The following ADAMTS14 variants were observed in gnomAD, a reference collection of about 807,000 sequenced individuals.
The protein encoded by ADAMTS14 is ADAM metallopeptidase with thrombospondin type 1 motif 14, also known as A disintegrin and metalloproteinase with thrombospondin motifs 14.
Under a neutral mutation model 128.6 loss-of-function variants are expected in ADAMTS14, and 100 were observed. The ratio of observed to expected loss-of-function variants is 0.78; its 90% CI spans 0.66 to 0.92. The LOEUF (loss-of-function observed/expected upper bound fraction) is 0.92. Ranked by LOEUF, ADAMTS14 falls within the 40% of genes least tolerant of loss-of-function variation. The pLI is 0.00. For synonymous variants in ADAMTS14, 665 were observed against 653.8 expected (o/e 1.02, Z -0.26); for missense variants, 1,562 against 1,658.6 (o/e 0.94, Z 1.01).
chr10:70,672,763 G>A lies in ADAMTS14; in HGVS notation c.-40G>A. ...TCGCCGCCCTCAGCCTGGGACTTGG[G>A]GATCGGGCGCTTGCCCAGCCCGCGT... is the stretch of plus-strand genomic sequence containing the variant. On this transcript the variant is annotated 5_prime_UTR_variant, in exon 1 of 22. Coordinates refer to ENST00000373207, the MANE Select transcript of ADAMTS14 (RefSeq NM_080722.4). 6.7e-7 allele frequency: 1 copy of A among 1,486,432 alleles called. No homozygotes were observed. 92.1% of individuals were successfully genotyped at this position (1,486,432 alleles called of 1,614,324 possible).
chr10:70,755,674 G>A (rs927614295), intron 19 of ADAMTS14, among the ~76,000 whole-genome samples: 3 of 152,158 alleles, frequency 2.0e-5, no homozygotes, highest in Non-Finnish European at 2.9e-5. Context: ...GTGAAACCCC[G>A]TCTCTACTAA....
At chr10:70,751,051 G>T (rs1051132222) in intron 16 of ADAMTS14, among the ~76,000 whole-genome samples, 4 of 152,192 alleles carry the variant, frequency 2.6e-5, no homozygotes, top group Non-Finnish European at 5.9e-5. Context: ...GAAAGGAAAA[G>T]ACCACCTGCA....
intron 2 of ADAMTS14, among the ~76,000 whole-genome samples, chr10:70,699,064 T>C (rs1000925680): frequency 6.6e-6 from 1 of 152,144 alleles, no homozygotes; most frequent in African/African-American, 2.4e-5. Flanking sequence ...GTGTCCTTGC[T>C]CAGCAAGGTC....
At chr10:70,731,814 TG>T (rs2132675161) in intron 6 of ADAMTS14, among the ~76,000 whole-genome samples, 1 of 152,272 alleles carries the variant, frequency 6.6e-6, no homozygotes, top group South Asian at 2.1e-4. Flanking sequence ...GCTGTGGTGG[TG>T]GGTGGGTAGC....
At chr10:70,684,800 C>T (rs549454092) in intron 2 of ADAMTS14, among the ~76,000 whole-genome samples, 1 of 152,336 alleles carries the variant, frequency 6.6e-6, no homozygotes, top group Admixed American at 6.5e-5. Flanking sequence ...CAGAGGCCCC[C>T]TCCTGTCTGG....
At chr10:70,684,782 C>G (rs764814904) in intron 2 of ADAMTS14, among the ~76,000 whole-genome samples, 34 of 152,258 alleles carry the variant, frequency 2.2e-4, no homozygotes, top group Admixed American at 7.2e-4. Context: ...GCTCTTCCCC[C>G]TGCTTTCCAG....
chr10:70,722,306 G>A (rs1007947899), intron 4 of ADAMTS14, among the ~76,000 whole-genome samples: 9 of 152,140 alleles, frequency 5.9e-5, no homozygotes, highest in East Asian at 1.9e-4. Context: ...TGTTGCTGTC[G>A]TCTCCCTAGG....
At chr10:70,698,913 C>T (rs1256393448) in intron 2 of ADAMTS14, among the ~76,000 whole-genome samples, 3 of 152,060 alleles carry the variant, frequency 2.0e-5, no homozygotes, top group East Asian at 3.9e-4. Flanking sequence ...GGATGGTCTC[C>T]GTAGGGGTAA....
At chr10:70,732,205 TCACCTGCCCTC>T (rs750756734) in intron 6 of ADAMTS14, 38 bp from the exon 7 acceptor site, 1 of 1,532,296 alleles carries the variant, frequency 6.5e-7, no homozygotes, top group South Asian at 1.1e-5. Flanking sequence ...GTGTCCTGCC[TCACCTGCCCTC>T]CACCTCGCTC....
chr10:70,746,952 C>A (rs540361597), intron 15 of ADAMTS14, among the ~76,000 whole-genome samples: 2 of 152,088 alleles, frequency 1.3e-5, no homozygotes, highest in East Asian at 2.0e-4. Context: ...GTCACAGAGG[C>A]CCCTCTTACC....
At chr10:70,757,685 C>T (rs1461912870) in intron 19 of ADAMTS14, among the ~76,000 whole-genome samples, 1 of 152,132 alleles carries the variant, frequency 6.6e-6, no homozygotes, top group Non-Finnish European at 1.5e-5. Flanking sequence ...AGAGATTAAC[C>T]GTTTAGATTG....
chr10:70,747,034 T>G (rs987670031), intron 15 of ADAMTS14, among the ~76,000 whole-genome samples: 3 of 152,162 alleles, frequency 2.0e-5, no homozygotes, highest in Non-Finnish European at 2.9e-5. Context: ...ACATATCTCT[T>G]GGCAGGCTCA....
At chr10:70,722,145 T>C (rs75892624) in intron 4 of ADAMTS14, among the ~76,000 whole-genome samples, 153 of 152,058 alleles carry the variant, frequency 1.0e-3, no homozygotes, top group African/African-American at 3.6e-3. Flanking sequence ...ATTGTAAACA[T>C]GAAAAAGAGG....
At chr10:70,678,181 A>T (rs1839701265) in intron 2 of ADAMTS14, among the ~76,000 whole-genome samples, 1 of 152,222 alleles carries the variant, frequency 6.6e-6, no homozygotes, top group African/African-American at 2.4e-5. Flanking sequence ...GATAATACAG[A>T]TAGCTTCCAT....
At chr10:70,709,361 C>A (rs1840765967) in intron 4 of ADAMTS14, among the ~76,000 whole-genome samples, 1 of 151,924 alleles carries the variant, frequency 6.6e-6, no homozygotes, top group Non-Finnish European at 1.5e-5. Context: ...CTGTGGCTGT[C>A]CTGCAGAGAT....
At chr10:70,697,879 C>G (rs147345273) in intron 2 of ADAMTS14, among the ~76,000 whole-genome samples, 3 of 152,214 alleles carry the variant, frequency 2.0e-5, no homozygotes, top group Non-Finnish European at 2.9e-5. Context: ...GCAACCAAAA[C>G]GATGTCATGT....
At chr10:70,689,075 C>T (rs1330758437) in intron 2 of ADAMTS14, among the ~76,000 whole-genome samples, 3 of 113,074 alleles carry the variant, frequency 2.7e-5, no homozygotes, top group Non-Finnish European at 6.8e-5. Context: ...CTGAAGAGGC[C>T]TGTGTTCCAC....
At chr10:70,708,811 A>C in intron 4 of ADAMTS14, 33 bp downstream of exon 4, 9 of 419,306 alleles carry the variant, frequency 2.1e-5, no homozygotes, top group Non-Finnish European at 3.1e-5. Context: ...ACTTGGGGGG[A>C]GTGGGGTGGG....
intron 8 of ADAMTS14, among the ~76,000 whole-genome samples, chr10:70,734,433 G>A (rs1012964248): frequency 6.6e-6 from 1 of 152,124 alleles, no homozygotes; most frequent in Non-Finnish European, 1.5e-5. Flanking sequence ...ACCCCTTTGA[G>A]CCCACCTGGC....
Sources: gnomAD v4.1 joint callset for allele counts (sites outside exome capture counted in the v4.1 genomes callset) on GRCh38, gnomAD v4.1.1 for gene constraint, MANE v1.5 for transcripts, NCBI Gene and HGNC (gene_info 2026-07-23, HGNC 2026-07-21) for gene names.